Variants in TBC1D2 observed in about 807,000 individuals in gnomAD.
TBC1D2 encodes the protein TBC1 domain family member 2, also known as TBC1 domain family member 2A.
TBC1D2 carries 58 observed loss-of-function variants against 91.1 expected under a neutral mutation model. The observed-to-expected ratio is 0.64, with a 90% CI of 0.52 to 0.79. The LOEUF (loss-of-function observed/expected upper bound fraction) is 0.79. Among genes scored for constraint, TBC1D2 ranks in the 30% least tolerant of loss-of-function variants. The pLI is 0.00. For missense variants in TBC1D2, 1,080 were observed against 1,208.3 expected, an observed-to-expected ratio of 0.89 and a Z score of 1.57; for synonymous variants, 482 against 511.5, an observed-to-expected ratio of 0.94 and a Z score of 0.78.
At chr9:98,211,220 T>C (rs1828829161) in intron 7 of TBC1D2, among the ~76,000 whole-genome samples, 2 of 152,198 alleles carry the variant, frequency 1.3e-5, no homozygotes, top group Non-Finnish European at 2.9e-5. Context: ...TCATACAGAG[T>C]CTGCCTGAGG....
chr9:98,251,141 C>G (rs915453467), intron 2 of TBC1D2, among the ~76,000 whole-genome samples: 1 of 152,028 alleles, frequency 6.6e-6, no homozygotes, highest in Admixed American at 6.6e-5. Flanking sequence ...AAAAATTAGC[C>G]GGGCGTGGTG....
intron 1 of TBC1D2, 47 bp from the exon 2 acceptor site, chr9:98,251,973 G>A: frequency 6.4e-7 from 1 of 1,561,328 alleles, no homozygotes; most frequent in Non-Finnish European, 8.6e-7. Flanking sequence ...CCTGAAGGGT[G>A]GCACTGGGTG....
At chr9:98,248,444 C>A (rs1829809298) in intron 2 of TBC1D2, among the ~76,000 whole-genome samples, 1 of 152,228 alleles carries the variant, frequency 6.6e-6, no homozygotes, top group Admixed American at 6.5e-5. Context: ...GGTTGCCCCA[C>A]CACCAGTGGG....
chr9:98,233,598 T>C (rs1829427772), intron 3 of TBC1D2, 49 bp from the exon 4 acceptor site: 5 of 1,601,378 alleles, frequency 3.1e-6, no homozygotes, highest in Non-Finnish European at 3.4e-6. Context: ...CCTGCCTTTC[T>C]GCCCTTCTGT....
chr9:98,221,500 A>G (rs1251540070), intron 5 of TBC1D2, among the ~76,000 whole-genome samples: 1 of 152,188 alleles, frequency 6.6e-6, no homozygotes, highest in African/African-American at 2.4e-5. Flanking sequence ...ATGAAAAGTG[A>G]GATGGGCAGC....
intron 3 of TBC1D2, among the ~76,000 whole-genome samples, chr9:98,238,788 G>C (rs537653637): frequency 8.3e-6 from 1 of 121,020 alleles, no homozygotes; most frequent in East Asian, 2.0e-4. Flanking sequence ...GCCCAGGCTG[G>C]AGTGTAGTGG....
intron 1 of TBC1D2, among the ~76,000 whole-genome samples, chr9:98,254,729 T>C (rs1290655322): frequency 1.3e-5 from 2 of 152,162 alleles, no homozygotes; most frequent in African/African-American, 4.8e-5. Flanking sequence ...TTGGCCAAAA[T>C]ATCAAGAAAC....
intron 7 of TBC1D2, 53 bp from the exon 8 acceptor site, chr9:98,210,896 A>AGAGGCCT (rs3832623): frequency 0.49 from 710,154 of 1,436,672 alleles, 184,894 homozygotes; most frequent in African/African-American, 0.65. Context: ...GGGCCGCCCC[A>AGAGGCCT]GAGGCCTGAG....
rs907909484 is a variant in TBC1D2, at chr9:98,216,834, A to G, written c.1375-3616T>C. Among the ~76,000 whole-genome samples, 6 of 152,204 alleles carry G rather than the reference A, an allele frequency of 3.9e-5. No individual in the cohort carries two copies. The East Asian group carries it at 1.2e-3, about 29-fold the overall frequency. ...ATCCTCCTGTCTCAGGCCCCTGAGT[A>G]GTTGGGACTACAAGTGTGTGCCACT... is the stretch of plus-strand genomic sequence containing the variant. On this transcript the variant is annotated intron_variant, in intron 6 of 12. Transcript: ENST00000465784.
At chr9:98,252,694 G>T (rs1829897036) in intron 1 of TBC1D2, among the ~76,000 whole-genome samples, 1 of 152,180 alleles carries the variant, frequency 6.6e-6, no homozygotes, top group Admixed American at 6.5e-5. Context: ...CCATAACCCT[G>T]GTCTAGAAGT....
chr9:98,229,317 C>A (rs1829313120), intron 4 of TBC1D2, 169 bp from the exon 5 acceptor site: 1 of 620,016 alleles, frequency 1.6e-6, no homozygotes, highest in Admixed American at 3.0e-5. Context: ...ATATGCACTT[C>A]TAAAAAGTTC....
chr9:98,203,569 T>C (rs1412206416), intron 9 of TBC1D2, among the ~76,000 whole-genome samples, 161 bp from the exon 10 acceptor site: 1 of 152,106 alleles, frequency 6.6e-6, no homozygotes, highest in Non-Finnish European at 1.5e-5. Flanking sequence ...GCACCTGGGG[T>C]GAGATAAACG....
intron 2 of TBC1D2, among the ~76,000 whole-genome samples, chr9:98,248,100 G>A (rs1260944957): frequency 4.6e-5 from 7 of 152,232 alleles, no homozygotes; most frequent in African/African-American, 7.2e-5. Flanking sequence ...GTCAAAGCTA[G>A]CAGGTGACAC....
In TBC1D2 at chr9:98,229,115, G is replaced by A. The variant is rs1360864322; in HGVS notation, c.815C>T (p.Pro272Leu). 1.9e-6 allele frequency: 3 copies of A among 1,614,106 alleles called. No homozygotes were observed. Among genetic ancestry groups the A allele is most frequent in the African/African-American group, 1.3e-5 (1 of 74,936 alleles). ...GAAACTGATGGTCAGAGAAGGCTTG[G>A]GTGCAGGCTTTGGAGAATCCTCTGG... is the stretch of plus-strand genomic sequence containing the variant. ...REPEDSPKPA[P>L]KPSLTISFAQ... The change falls in exon 5 of 13, where the codon CCC becomes CTC. Residue 272 changes from proline (P) to leucine (L), a missense_variant. Pro to Leu is a moderately conservative substitution (Grantham distance 98, BLOSUM62 -3). Transcript: ENST00000465784.
chr9:98,231,279 CT>C (rs35195996), intron 4 of TBC1D2, among the ~76,000 whole-genome samples: 16,918 of 76,230 alleles, frequency 0.22, 1,230 homozygotes, highest in Non-Finnish European at 0.27. Context: ...CTCAACTCTG[CT>C]TTTTTTTTTT....
At chr9:98,231,438 CAACCACTGTTTAACACAGTGT>C (rs1215813123) in intron 4 of TBC1D2, among the ~76,000 whole-genome samples, 1 of 152,014 alleles carries the variant, frequency 6.6e-6, no homozygotes, top group Non-Finnish European at 1.5e-5. Context: ...AATCTGATTA[CAACCACTGTTTAACACAGTGT>C]AAACACCGTT....
chr9:98,242,803 CT>C (rs36035887), intron 3 of TBC1D2, among the ~76,000 whole-genome samples: 20 of 83,170 alleles, frequency 2.4e-4, no homozygotes, highest in Middle Eastern at 6.7e-3. Context: ...ACACTGCTGC[CT>C]TTTTTTTTTT....
chr9:98,209,273 G>T, intron 8 of TBC1D2, 129 bp from the exon 9 acceptor site: 1 of 844,708 alleles, frequency 1.2e-6, no homozygotes, highest in Non-Finnish European at 1.9e-6. Context: ...CACAGCTCTG[G>T]GCAGGTCACT....
chr9:98,226,393 G>A (rs115458176), intron 5 of TBC1D2, among the ~76,000 whole-genome samples: 2,616 of 152,272 alleles, frequency 0.017, 72 homozygotes, highest in African/African-American at 0.06. Flanking sequence ...TGCAGTAATC[G>A]CCAGAACAAC....
Sources: allele counts gnomAD v4.1 joint callset (sites outside exome capture counted in the v4.1 genomes callset), GRCh38; gene constraint gnomAD v4.1.1; transcripts MANE v1.5; gene names NCBI Gene and HGNC (gene_info 2026-07-23, HGNC 2026-07-21).